MBLAC2: variants seen among roughly 807,000 people sequenced by gnomAD.
MBLAC2 encodes the protein acyl-coenzyme A thioesterase MBLAC2.
Under a neutral mutation model 23.3 loss-of-function variants are expected in MBLAC2, and 24 were observed. The ratio of observed to expected loss-of-function variants is 1.03; its 90% confidence interval spans 0.75 to 1.45. The LOEUF (loss-of-function observed/expected upper bound fraction) is 1.45. MBLAC2 is among the 40% of genes most tolerant of loss of function. The probability of loss-of-function intolerance (pLI) is 0.00; values close to 1 mark genes in which losing one functional copy is unlikely to be tolerated. For synonymous variants in MBLAC2, 162 were observed against 150.9 expected (o/e 1.07, Z -0.54); for missense variants, 358 against 370.0 (o/e 0.97, Z 0.27).
At chr5:90,472,977 G>C (rs1750588010) in intron 1 of MBLAC2, 1 of 152,182 alleles carries the variant, frequency 6.6e-6, no homozygotes, top group South Asian at 2.1e-4. Context: ...TATTGCTGAT[G>C]TGGCGAATTA....
rs1157748735 is a variant in MBLAC2 at position 90,458,666 on chromosome 5, T to C, written c.*2501A>G. The C allele has an allele frequency of 6.6e-6, 1 of 152,194 alleles. No individual in the cohort carries two copies. Among genetic ancestry groups the C allele is most frequent in the Admixed American group, 6.5e-5 (1 of 15,280 alleles). 9.4% of individuals were successfully genotyped at this position (152,194 alleles called of 1,614,324 possible). A position where few individuals can be genotyped will look rare whatever the true frequency, so the allele number is the denominator to read the frequency against. On this transcript the variant is annotated 3_prime_UTR_variant, in exon 2 of 2. Coordinates refer to ENST00000316610, the MANE Select transcript of MBLAC2 (RefSeq NM_203406.2). ...AATACATCTTGCCAATTTTCTGCTA[T>C]TGTGCAGTTACAAGAGAAAGAGAAG...
chr5:90,474,626 T>C lies in MBLAC2; in HGVS notation c.-334A>G, dbSNP rs1385682928. 1 of 334,028 alleles carries C rather than the reference T, an allele frequency of 3.0e-6. No homozygotes were observed. Among genetic ancestry groups the C allele is most frequent in the East Asian group, 9.3e-5 (1 of 10,728 alleles). 20.7% of individuals were successfully genotyped at this position (334,028 alleles called of 1,614,324 possible). On this transcript the variant is annotated 5_prime_UTR_variant, in exon 1 of 2. Transcript: ENST00000316610. ...GGGGCCACTGCAGCAGAATGGAGAC[T>C]CAGGTGGCGACCGTTTCGCCACCCC...
chr5:90,474,426 G>T lies in MBLAC2; in HGVS notation c.-134C>A. On this transcript the variant is annotated 5_prime_UTR_variant, in exon 1 of 2. Transcript: ENST00000316610. ...GGAGGAGGCGTAGAGCGAGGCGGGG[G>T]CGTGGGATGCGGGGGTCGGAATAGG... The T allele has an allele frequency of 1.3e-6, 1 of 787,316 alleles. No homozygotes were observed. Among genetic ancestry groups the T allele is most frequent in the Non-Finnish European group, 2.1e-6 (1 of 484,618 alleles). The allele number at this position is 787,316 out of a possible 1,614,324, so 48.8% of individuals were successfully genotyped here.
chr5:90,465,764 G>A (rs1384842143), intron 1 of MBLAC2, among the ~76,000 whole-genome samples: 5 of 152,114 alleles, frequency 3.3e-5, no homozygotes, highest in East Asian at 1.9e-4. Context: ...ACAGGATCTC[G>A]CTTTGTTGCC....
In MBLAC2 at chr5:90,474,264, T is replaced by C; in HGVS notation, c.29A>G (p.Lys10Arg). The C allele has an allele frequency of 6.2e-7, 1 of 1,613,506 alleles. No homozygotes were observed. The highest frequency in any genetic ancestry group is 1.1e-5 in the South Asian group (1 of 90,990). ...CCAGAAGATACCATCGCCTAGAGAC[T>C]TGTGGGCGTACCACTCGAGCGCCGA... MSALEWYAH[K>R]SLGDGIFWIQ... The change falls in exon 1 of 2, where the codon AAG (lysine) becomes AGG (arginine). Residue 10 changes from lysine to arginine, a missense_variant. Coordinates refer to ENST00000316610, the MANE Select transcript of MBLAC2 (RefSeq NM_203406.2).
At chr5:90,473,655 G>T (rs1021006428) in intron 1 of MBLAC2, 184 bp downstream of exon 1, 1 of 709,422 alleles carries the variant, frequency 1.4e-6, no homozygotes. Context: ...GGCAGGGAAG[G>T]CTGTGATGGC....
chr5:90,467,228 T>G (rs1446582380), intron 1 of MBLAC2, among the ~76,000 whole-genome samples: 2 of 152,230 alleles, frequency 1.3e-5, no homozygotes, highest in Non-Finnish European at 2.9e-5. Context: ...GTCCATTGTT[T>G]CTTTGTTGAC....
At chr5:90,470,022 A>G (rs1750518966) in intron 1 of MBLAC2, among the ~76,000 whole-genome samples, 1 of 152,248 alleles carries the variant, frequency 6.6e-6, no homozygotes. Context: ...ACAATGTGGG[A>G]AAATATACAC....
intron 1 of MBLAC2, among the ~76,000 whole-genome samples, chr5:90,467,692 C>T (rs778940931): frequency 1.2e-4 from 17 of 145,796 alleles, no homozygotes; most frequent in African/African-American, 2.1e-4. Context: ...TATTGAGATG[C>T]GACATACTAT....
rs1750346778 is a variant in MBLAC2, at chr5:90,460,387, A to G, written c.*780T>C. On this transcript the variant is annotated 3_prime_UTR_variant, in exon 2 of 2. Transcript: ENST00000316610. ...TAATAAAAAATTATTCTCAATGTGT[A>G]TATTTTCAAATTTGCCTGACAGTGT... 1.3e-5 allele frequency: 2 copies of G among 152,598 alleles called. No individual in the cohort carries two copies. The highest frequency in any genetic ancestry group is 4.8e-5 in the African/African-American group (2 of 41,470). The allele number at this position is 152,598 out of a possible 1,614,324, so 9.5% of individuals were successfully genotyped here. A position where few individuals can be genotyped will look rare whatever the true frequency, so the allele number is the denominator to read the frequency against.
chr5:90,474,611 C>A lies in MBLAC2; in HGVS notation c.-319G>T, dbSNP rs1279106881. On this transcript the variant is annotated 5_prime_UTR_variant, in exon 1 of 2. Transcript: ENST00000316610. ...GAGAGCTTTAACGCAGGGGCCACTG[C>A]AGCAGAATGGAGACTCAGGTGGCGA... The A allele has an allele frequency of 7.9e-6, 3 of 378,782 alleles. No homozygotes were observed. Among genetic ancestry groups the A allele is most frequent in the African/African-American group, 4.3e-5 (2 of 46,658 alleles). 23.5% of individuals were successfully genotyped at this position (378,782 alleles called of 1,614,324 possible). A position where few individuals can be genotyped will look rare whatever the true frequency, so the allele number is the denominator to read the frequency against.
At chr5:90,464,068 A>C (rs1015004509) in intron 1 of MBLAC2, among the ~76,000 whole-genome samples, 2 of 152,242 alleles carry the variant, frequency 1.3e-5, no homozygotes, top group African/African-American at 2.4e-5. Context: ...ATGTATATCA[A>C]GCAAATAAAT....
Position 90,460,938 on chromosome 5 carries a change from C to A in MBLAC2, c.*229G>T. 1 of 409,874 alleles carries A rather than the reference C, an allele frequency of 2.4e-6. No homozygotes were observed. The highest frequency in any genetic ancestry group is 4.3e-6 in the Non-Finnish European group (1 of 233,286). The allele number at this position is 409,874 out of a possible 1,614,324, so 25.4% of individuals were successfully genotyped here. A position where few individuals can be genotyped will look rare whatever the true frequency, so the allele number is the denominator to read the frequency against. On this transcript the variant is annotated 3_prime_UTR_variant, in exon 2 of 2. Transcript: ENST00000316610. ...TATGTCATTTCTAGAGCATATATTA[C>A]AAGATGACAGCTTTGGCAAAGTATA...
chr5:90,464,040 G>A (rs950775060), intron 1 of MBLAC2, among the ~76,000 whole-genome samples: 3 of 152,084 alleles, frequency 2.0e-5, no homozygotes, highest in African/African-American at 7.2e-5. Context: ...GATCCAAGAA[G>A]AAATGAAGTC....
chr5:90,461,589 G>A, intron 1 of MBLAC2, 37 bp from the exon 2 acceptor site: 1 of 1,564,350 alleles, frequency 6.4e-7, no homozygotes, highest in Non-Finnish European at 8.7e-7. Flanking sequence ...TAAACATGTT[G>A]TATACTTGAC....
At position 90,474,173 on chromosome 5, in the gene MBLAC2, C is replaced by T. The variant is rs1417256219; in HGVS notation, c.120G>A (p.Gln40=). ...CCAGGCCTGTATCGATCACCACGTC[C>T]TGCTCGGAGCCGCGCACCAGCCAGA... ...ANIWLVRGSE[Q]DVVIDTGLGL... The change falls in exon 1 of 2, where the codon CAG becomes CAA. Residue 40 remains glutamine (Q), a synonymous_variant. Transcript: ENST00000316610. 1 of 1,604,302 alleles carries T rather than the reference C, an allele frequency of 6.2e-7. No homozygotes were observed.
chr5:90,474,539 A>T lies in MBLAC2; in HGVS notation c.-247T>A. 1 of 525,326 alleles carries T rather than the reference A, an allele frequency of 1.9e-6. No homozygotes were observed. The highest frequency in any genetic ancestry group is 3.4e-6 in the Non-Finnish European group (1 of 297,046). The allele number at this position is 525,326 out of a possible 1,614,324, so 32.5% of individuals were successfully genotyped here. On this transcript the variant is annotated 5_prime_UTR_variant, in exon 1 of 2. Coordinates refer to ENST00000316610, the MANE Select transcript of MBLAC2 (RefSeq NM_203406.2). ...GGCAGCAAGCAGAGGCTGCGCCACC[A>T]GCACGGGGGCGCAGGAGCTACCGCA...
At position 90,468,629 on chromosome 5, in the gene MBLAC2, C is replaced by A. The variant is rs1337829911; in HGVS notation, c.454+5210G>T. On this transcript the variant is annotated intron_variant, in intron 1 of 1. Transcript: ENST00000316610. ...TATCATGTTTTTGATTTCTTACATT[C>A]TATTCATCAGCACATGGAACATTCT... Among the ~76,000 whole-genome samples the A allele has an allele frequency of 3.9e-5, 6 of 151,974 alleles. No individual in the cohort carries two copies. The South Asian group carries it at 8.3e-4, about 21-fold the overall frequency.
In MBLAC2 at chr5:90,459,176, T is replaced by C. The variant is rs1269037231; in HGVS notation, c.*1991A>G. On this transcript the variant is annotated 3_prime_UTR_variant, in exon 2 of 2. Coordinates refer to ENST00000316610, the MANE Select transcript of MBLAC2 (RefSeq NM_203406.2). ...TAGTTGCCCTGAACCAAATCATTATTCTCAATGTTGCACTCAGTTGAAAGA... is the reference window on the plus strand; with the variant it reads ...TAGTTGCCCTGAACCAAATCATTATCCTCAATGTTGCACTCAGTTGAAAGA... 1 of 152,564 alleles carries C rather than the reference T, an allele frequency of 6.6e-6. No individual in the cohort carries two copies. Among genetic ancestry groups the C allele is most frequent in the Admixed American group, 6.6e-5 (1 of 15,260 alleles). The allele number at this position is 152,564 out of a possible 1,614,324, so 9.5% of individuals were successfully genotyped here. A position where few individuals can be genotyped will look rare whatever the true frequency, so the allele number is the denominator to read the frequency against.
Sources: allele counts gnomAD v4.1 joint callset (sites outside exome capture counted in the v4.1 genomes callset), GRCh38; gene constraint gnomAD v4.1.1; transcripts MANE v1.5; gene names NCBI Gene and HGNC (gene_info 2026-07-23, HGNC 2026-07-21).